KCNN2: variants seen among roughly 807,000 people sequenced by gnomAD.
KCNN2 encodes small conductance calcium-activated potassium channel protein 2.
A neutral mutation model predicts 55.5 loss-of-function variants in KCNN2; 24 were observed. The ratio of observed to expected loss-of-function variants is 0.43; its 90% confidence interval spans 0.31 to 0.61. KCNN2 has a LOEUF of 0.61. KCNN2 is among the 20% of genes least tolerant of loss of function. The pLI is 0.08. For synonymous variants in KCNN2, 431 were observed against 336.1 expected, an observed-to-expected ratio of 1.28 and a Z score of -3.09; for missense variants, 754 against 853.6, an observed-to-expected ratio of 0.88 and a Z score of 1.45.
At chr5:114,276,271 A>AGTGTG (rs1755485696) in intron 2 of KCNN2, among the ~76,000 whole-genome samples, 1 of 151,996 alleles carries the variant, frequency 6.6e-6, no homozygotes, top group South Asian at 2.1e-4. Context: ...TTTTAGAATA[A>AGTGTG]GTGCGATGTG....
intron 2 of KCNN2, among the ~76,000 whole-genome samples, chr5:114,240,427 CTTTTTTT>C (rs201223682): frequency 0.77 from 100,928 of 130,448 alleles, 38,462 homozygotes; most frequent in East Asian, 0.85. Context: ...TTTTCTTTCT[CTTTTTTT>C]TTTTTTTTTT....
intron 2 of KCNN2, among the ~76,000 whole-genome samples, chr5:114,380,603 T>A (rs1308429349): frequency 2.6e-5 from 4 of 152,206 alleles, no homozygotes; most frequent in African/African-American, 7.2e-5. Flanking sequence ...CTATACTTAG[T>A]CCAGTGCTAG....
chr5:114,133,693 C>T (rs750318424), intron 1 of KCNN2, among the ~76,000 whole-genome samples: 1 of 152,170 alleles, frequency 6.6e-6, no homozygotes, highest in African/African-American at 2.4e-5. Flanking sequence ...AAAAGCAATT[C>T]AGGTCTTTAT....
chr5:114,057,875 GC>G (rs1294854320), intron 1 of KCNN2, among the ~76,000 whole-genome samples: 5 of 152,102 alleles, frequency 3.3e-5, no homozygotes, highest in African/African-American at 9.7e-5. Flanking sequence ...CATTTGGTTG[GC>G]CCCAAATTAA....
intron 1 of KCNN2, among the ~76,000 whole-genome samples, chr5:114,177,176 C>T (rs1210651607): frequency 7.0e-6 from 1 of 143,620 alleles, no homozygotes; most frequent in Admixed American, 7.1e-5. Flanking sequence ...CTCGCTCTGT[C>T]GCCCAGGCTG....
chr5:114,313,589 T>C (rs1756446295), intron 2 of KCNN2, among the ~76,000 whole-genome samples: 1 of 152,154 alleles, frequency 6.6e-6, no homozygotes, highest in Non-Finnish European at 1.5e-5. Context: ...AGCAGTTCAC[T>C]CAGGAAGGTG....
intron 2 of KCNN2, among the ~76,000 whole-genome samples, chr5:114,332,038 T>G (rs1353525958): frequency 6.6e-6 from 1 of 152,192 alleles, no homozygotes; most frequent in Non-Finnish European, 1.5e-5. Context: ...GAGGGAGACT[T>G]AGATGTGAAT....
chr5:114,413,553 C>T (rs1349520660), intron 3 of KCNN2, among the ~76,000 whole-genome samples: 2 of 152,178 alleles, frequency 1.3e-5, no homozygotes, highest in Non-Finnish European at 2.9e-5. Flanking sequence ...TCTCAAAGTG[C>T]TGGGATTACA....
chr5:114,411,699 TTTCTC>T (rs1335934654), intron 3 of KCNN2, among the ~76,000 whole-genome samples: 1 of 151,992 alleles, frequency 6.6e-6, no homozygotes, highest in African/African-American at 2.4e-5. Context: ...GAACTCACCT[TTTCTC>T]TACCTTTTTT....
intron 2 of KCNN2, among the ~76,000 whole-genome samples, chr5:114,365,288 A>C (rs1580752724): frequency 6.6e-6 from 1 of 152,208 alleles, no homozygotes; most frequent in South Asian, 2.1e-4. Context: ...ACAAAACTGC[A>C]CTGACAAAAT....
At chr5:114,421,165 T>C (rs140810232) in intron 3 of KCNN2, among the ~76,000 whole-genome samples, 224 of 152,118 alleles carry the variant, frequency 1.5e-3, no homozygotes, top group African/African-American at 5.2e-3. Context: ...GAATGGTCTT[T>C]GCTAGGAAGG....
At chr5:114,341,080 G>A (rs890044933) in intron 2 of KCNN2, among the ~76,000 whole-genome samples, 15 of 152,016 alleles carry the variant, frequency 9.9e-5, no homozygotes, top group Admixed American at 7.9e-4. Context: ...TTCTTTATCC[G>A]GTCATCCATT....
intron 2 of KCNN2, among the ~76,000 whole-genome samples, chr5:114,241,996 A>T (rs1034209980): frequency 6.6e-6 from 1 of 151,116 alleles, no homozygotes; most frequent in African/African-American, 2.4e-5. Flanking sequence ...GCCTCCCACA[A>T]TTTCATGGAT....
intron 2 of KCNN2, among the ~76,000 whole-genome samples, chr5:114,314,694 A>G (rs1217375382): frequency 2.6e-5 from 4 of 152,128 alleles, no homozygotes; most frequent in Non-Finnish European, 5.9e-5. Flanking sequence ...AAGTTATTGT[A>G]CAGGCAGCCA....
chr5:114,305,255 G>A (rs1333475095), intron 2 of KCNN2, among the ~76,000 whole-genome samples: 1 of 152,138 alleles, frequency 6.6e-6, no homozygotes. Flanking sequence ...CTTCCTGGAT[G>A]GTAAAGAAAT....
intron 2 of KCNN2, among the ~76,000 whole-genome samples, chr5:114,307,480 C>T (rs1756307468): frequency 6.6e-6 from 1 of 152,128 alleles, no homozygotes; most frequent in East Asian, 1.9e-4. Context: ...TGCTTAAATG[C>T]CACCCACCTT....
chr5:114,144,900 T>G (rs1266094337), intron 1 of KCNN2, among the ~76,000 whole-genome samples: 1 of 151,908 alleles, frequency 6.6e-6, no homozygotes, highest in Non-Finnish European at 1.5e-5. Flanking sequence ...GTCCCATCTT[T>G]GAATTGACCT....
rs76750434 is a variant in KCNN2 at position 114,425,581 on chromosome 5, C to T, written c.1637+20725C>T. On this transcript the variant is annotated intron_variant, in intron 3 of 7. Coordinates refer to ENST00000673685, the MANE Select transcript of KCNN2 (RefSeq NM_021614.4). ...TTGGTTAAATCAAATGCTCCACCTG[C>T]TCTGCCTGGACCCAACCTCAGATCA... 3.7e-3 allele frequency among the ~76,000 whole-genome samples: 564 copies of T among 152,298 alleles called. 6 individuals carry two copies. The highest frequency in any genetic ancestry group is 0.013 in the African/African-American group (530 of 41,558).
chr5:114,475,979 AATTTTAC>A (rs1761946470), intron 5 of KCNN2, among the ~76,000 whole-genome samples: 1 of 152,100 alleles, frequency 6.6e-6, no homozygotes, highest in Non-Finnish European at 1.5e-5. Flanking sequence ...TCTGGTTTCA[AATTTTAC>A]ATTTTATATA....
Sources: gnomAD v4.1 joint callset for allele counts (sites outside exome capture counted in the v4.1 genomes callset) on GRCh38, gnomAD v4.1.1 for gene constraint, MANE v1.5 for transcripts, NCBI Gene and HGNC (gene_info 2026-07-23, HGNC 2026-07-21) for gene names.